Variants in LRRIQ1 observed in about 807,000 individuals in gnomAD.
LRRIQ1 encodes leucine-rich repeat- and IQ domain-containing protein 1.
A neutral mutation model predicts 211.9 loss-of-function variants in LRRIQ1; 210 were observed. That is an observed-to-expected ratio of 0.99 (90% CI 0.89 to 1.11). The LOEUF is 1.11. LRRIQ1 is among the 50% of genes most tolerant of loss of function. The pLI, the probability that LRRIQ1 is intolerant of heterozygous loss-of-function variation, is 0.00. For synonymous variants in LRRIQ1, 699 were observed against 650.1 expected (o/e 1.08, Z -1.14); for missense variants, 2,136 against 1,939.5 (o/e 1.10, Z -1.90).
chr12:85,228,616 A>G (rs1894783792), intron 24 of LRRIQ1, among the ~76,000 whole-genome samples: 1 of 152,208 alleles, frequency 6.6e-6, no homozygotes, highest in Non-Finnish European at 1.5e-5. Context: ...AGTAACTTTT[A>G]AAGAAGAAAG....
intron 11 of LRRIQ1, among the ~76,000 whole-genome samples, chr12:85,087,969 T>G (rs555489494): frequency 6.6e-6 from 1 of 152,366 alleles, no homozygotes; most frequent in East Asian, 1.9e-4. Flanking sequence ...ATTTGTCAAT[T>G]TTGGCTTTTG....
chr12:85,122,866 G>A (rs539144687), intron 16 of LRRIQ1, among the ~76,000 whole-genome samples: 1 of 151,846 alleles, frequency 6.6e-6, no homozygotes, highest in Admixed American at 6.6e-5. Flanking sequence ...ATACAATTTT[G>A]TATGTAAAGG....
chr12:85,067,056 T>C (rs1409955822), intron 10 of LRRIQ1, among the ~76,000 whole-genome samples, 158 bp downstream of exon 10: 1 of 151,910 alleles, frequency 6.6e-6, no homozygotes, highest in East Asian at 1.9e-4. Context: ...TTACTTTTAA[T>C]GTCTATAAAA....
chr12:85,045,348 C>A (rs1319052806), intron 4 of LRRIQ1, among the ~76,000 whole-genome samples: 1 of 151,868 alleles, frequency 6.6e-6, no homozygotes, highest in Non-Finnish European at 1.5e-5. Flanking sequence ...TTTTACCTCT[C>A]ATTTTATCCA....
intron 9 of LRRIQ1, 45 bp downstream of exon 9, chr12:85,065,459 A>G: frequency 7.1e-7 from 1 of 1,416,140 alleles, no homozygotes; most frequent in Non-Finnish European, 9.4e-7. Context: ...ATAAAATATA[A>G]AATGGATTTA....
chr12:85,064,685 T>C (rs886567188), intron 8 of LRRIQ1, among the ~76,000 whole-genome samples: 2 of 151,878 alleles, frequency 1.3e-5, no homozygotes, highest in African/African-American at 4.8e-5. Context: ...GTTTAATCTA[T>C]TTTAATTTGA....
intron 24 of LRRIQ1, among the ~76,000 whole-genome samples, chr12:85,178,843 A>T (rs1369640463): frequency 6.6e-6 from 1 of 151,798 alleles, no homozygotes; most frequent in Non-Finnish European, 1.5e-5. Context: ...GTCAGACATT[A>T]TATTAGGCTG....
At chr12:85,179,286 CACTGACT>C (rs1891867909) in intron 24 of LRRIQ1, among the ~76,000 whole-genome samples, 2 of 151,888 alleles carry the variant, frequency 1.3e-5, no homozygotes, top group Non-Finnish European at 2.9e-5. Flanking sequence ...TCACATATCC[CACTGACT>C]TCAGTGTCTC....
Position 85,121,739 on chromosome 12 carries a change from TG to T in LRRIQ1, c.3422del (p.Gly1141AlafsTer4). 1 of 1,601,142 alleles carries T rather than the reference TG, an allele frequency of 6.2e-7. No homozygotes were observed. The highest frequency in any genetic ancestry group is 8.5e-7 in the Non-Finnish European group (1 of 1,174,262). On this transcript the variant is annotated frameshift_variant, in exon 16 of 27. Coordinates refer to ENST00000393217, the MANE Select transcript of LRRIQ1 (RefSeq NM_001079910.2). LOFTEE classifies it high-confidence loss of function. ...KVLPALRILN[G>X]NILNSNSESR... ...TGTTGCCTGCTCTGAGAATCCTCAATGGCAATATACTAAACTCTAATTCAGA... is the reference window on the plus strand; with the variant it reads ...TGTTGCCTGCTCTGAGAATCCTCAATGCAATATACTAAACTCTAATTCAGA...
chr12:85,250,746 G>A (rs989439948), intron 1 of LRRIQ1, among the ~76,000 whole-genome samples: 9 of 131,798 alleles, frequency 6.8e-5, no homozygotes, highest in Non-Finnish European at 1.1e-4. Flanking sequence ...CTGCTAAGAG[G>A]CAATAAATAG....
chr12:85,089,730 G>T (rs1254006035), intron 11 of LRRIQ1, among the ~76,000 whole-genome samples: 1 of 152,170 alleles, frequency 6.6e-6, no homozygotes, highest in East Asian at 1.9e-4. Flanking sequence ...GCAAAATAAT[G>T]ACTTATAGTT....
intron 1 of LRRIQ1, among the ~76,000 whole-genome samples, chr12:85,259,273 G>C (rs1000250990): frequency 6.6e-6 from 1 of 151,944 alleles, no homozygotes. Flanking sequence ...TCCATCAGTA[G>C]GTTTAGCTCC....
At chr12:85,141,621 T>A (rs1398521584) in intron 19 of LRRIQ1, among the ~76,000 whole-genome samples, 2 of 150,446 alleles carry the variant, frequency 1.3e-5, no homozygotes, top group African/African-American at 4.9e-5. Flanking sequence ...ACGTATATCT[T>A]TCTAACCATT....
At position 85,051,616 on chromosome 12, in the gene LRRIQ1, T is replaced by C. The variant is rs1353713736; in HGVS notation, c.679-561T>C. Among the ~76,000 whole-genome samples, 26 of 152,332 alleles carry C rather than the reference T, an allele frequency of 1.7e-4. No individual in the cohort carries two copies. In the East Asian group the frequency reaches 3.1e-3, roughly 18 times the overall value. ...CCCATTATTATTTTTTATATTTTTC[T>C]CTTGCAATAAACTTATTCTGCTAGA... On this transcript the variant is annotated intron_variant, in intron 6 of 26. Transcript: ENST00000393217.
chr12:85,218,047 G>A (rs1894237982), intron 24 of LRRIQ1, among the ~76,000 whole-genome samples: 1 of 151,608 alleles, frequency 6.6e-6, no homozygotes, highest in Non-Finnish European at 1.5e-5. Context: ...CCTCCTTCAT[G>A]GTTATTACTA....
At chr12:85,139,643 A>G (rs1050831182) in intron 19 of LRRIQ1, among the ~76,000 whole-genome samples, 2 of 151,432 alleles carry the variant, frequency 1.3e-5, no homozygotes, top group African/African-American at 4.8e-5. Context: ...CACTGCAATA[A>G]TGAATTATGA....
chr12:85,249,107 T>A (rs1205675715), downstream of LRRIQ1, among the ~76,000 whole-genome samples: 1 of 151,692 alleles, frequency 6.6e-6, no homozygotes, highest in Non-Finnish European at 1.5e-5. Context: ...ATTGAAAGAG[T>A]AATTTTATAG....
chr12:85,215,512 C>A (rs1894038198), intron 24 of LRRIQ1, among the ~76,000 whole-genome samples: 1 of 152,130 alleles, frequency 6.6e-6, no homozygotes, highest in Admixed American at 6.6e-5. Flanking sequence ...CACCCTCCAA[C>A]CTCCAATAGG....
At chr12:85,091,344 T>G (rs1444448664) in intron 11 of LRRIQ1, among the ~76,000 whole-genome samples, 2 of 152,204 alleles carry the variant, frequency 1.3e-5, no homozygotes, top group African/African-American at 2.4e-5. Context: ...TTAATGTGGT[T>G]GTTTTTTGTT....
Sources: gnomAD v4.1 joint callset for allele counts (sites outside exome capture counted in the v4.1 genomes callset) on GRCh38, gnomAD v4.1.1 for gene constraint, MANE v1.5 for transcripts, NCBI Gene and HGNC (gene_info 2026-07-23, HGNC 2026-07-21) for gene names.